Variants in ELAPOR2 observed in about 807,000 individuals in gnomAD.
ELAPOR2 encodes the protein endosome-lysosome associated apoptosis and autophagy regulator family member 2.
ELAPOR2 carries 89 observed loss-of-function variants against 120.7 expected under a neutral mutation model. That is an observed-to-expected ratio of 0.74 (90% CI 0.62 to 0.88). The LOEUF (loss-of-function observed/expected upper bound fraction) is 0.88, where lower values mean the gene tolerates loss of function less well. Among genes scored for constraint, ELAPOR2 ranks in the 40% least tolerant of loss-of-function variants. The pLI, the probability that ELAPOR2 is intolerant of heterozygous loss-of-function variation, is 0.00. For synonymous variants in ELAPOR2, 444 were observed against 444.9 expected (o/e 1.00, Z 0.03); for missense variants, 1,134 against 1,251.6 (o/e 0.91, Z 1.42).
At chr7:86,944,698 G>A (rs911587441) in intron 4 of ELAPOR2, among the ~76,000 whole-genome samples, 1 of 151,870 alleles carries the variant, frequency 6.6e-6, no homozygotes, top group Non-Finnish European at 1.5e-5. Context: ...TGAGATCTTG[G>A]AGGTAAAGAA....
At chr7:86,997,283 TAAATG>T (rs967373400) in intron 1 of ELAPOR2, among the ~76,000 whole-genome samples, 1 of 150,684 alleles carries the variant, frequency 6.6e-6, no homozygotes, top group Admixed American at 6.6e-5. Context: ...TATACAAACT[TAAATG>T]AAAGCAGATG....
At chr7:86,891,936 A>C (rs1478722298) in intron 20 of ELAPOR2, 47 bp from the exon 21 acceptor site, 1 of 1,175,660 alleles carries the variant, frequency 8.5e-7, no homozygotes, top group South Asian at 1.6e-5. Flanking sequence ...CATTTATGTT[A>C]ATATAAATAA....
Position 86,965,627 on chromosome 7 carries a change from C to A in ELAPOR2, c.190-603G>T, listed in dbSNP as rs552333890. 3.9e-5 allele frequency among the ~76,000 whole-genome samples: 6 copies of A among 152,300 alleles called. No individual in the cohort carries two copies. The East Asian group carries it at 1.2e-3, about 29-fold the overall frequency. ...ATTACAACTGCCAAATTAAAACCAACCCCCAACCCACTTGTCTCCAGCCTT... is the reference window on the plus strand; with the variant it reads ...ATTACAACTGCCAAATTAAAACCAAACCCCAACCCACTTGTCTCCAGCCTT... On this transcript the variant is annotated intron_variant, in intron 1 of 21. Transcript: ENST00000450689.
chr7:86,895,103 CA>C (rs1344168458), intron 19 of ELAPOR2, among the ~76,000 whole-genome samples: 2 of 152,050 alleles, frequency 1.3e-5, no homozygotes, highest in Non-Finnish European at 2.9e-5. Context: ...GACTGAAACA[CA>C]ACGGGATGGT....
In ELAPOR2 at chr7:86,991,506, C is replaced by T. The variant is rs1158471481; in HGVS notation, c.190-26482G>A. Among the ~76,000 whole-genome samples the T allele has an allele frequency of 2.6e-5, 4 of 152,144 alleles. No individual in the cohort carries two copies. In the South Asian group the frequency reaches 8.3e-4, roughly 31 times the overall value. On this transcript the variant is annotated intron_variant, in intron 1 of 21. Transcript: ENST00000450689. ...GTGGTCTACCAGAAGAATTTACAGT[C>T]TTCTACTTTCAAAACACACACACAC...
At chr7:86,905,990 T>G (rs1788993298) in intron 18 of ELAPOR2, among the ~76,000 whole-genome samples, 1 of 152,154 alleles carries the variant, frequency 6.6e-6, no homozygotes, top group Non-Finnish European at 1.5e-5. Context: ...GAACACACCT[T>G]ACGAGAGTTA....
At chr7:87,024,799 C>G (rs1363579612) in intron 1 of ELAPOR2, among the ~76,000 whole-genome samples, 1 of 151,798 alleles carries the variant, frequency 6.6e-6, no homozygotes, top group Non-Finnish European at 1.5e-5. Flanking sequence ...ACTAGAAAAT[C>G]TAGAAAAAAG....
At chr7:87,022,471 A>G (rs1023889381) in intron 1 of ELAPOR2, among the ~76,000 whole-genome samples, 12 of 152,038 alleles carry the variant, frequency 7.9e-5, no homozygotes, top group Admixed American at 3.3e-4. Context: ...TTCTTAATCC[A>G]GTCTATCATT....
intron 17 of ELAPOR2, 73 bp downstream of exon 17, chr7:86,908,374 G>A: frequency 1.3e-6 from 1 of 751,888 alleles, no homozygotes; most frequent in Non-Finnish European, 2.3e-6. Flanking sequence ...ATAAATATAT[G>A]AGTATTGGTG....
At chr7:87,035,708 G>A (rs955888020) in intron 1 of ELAPOR2, among the ~76,000 whole-genome samples, 1 of 151,946 alleles carries the variant, frequency 6.6e-6, no homozygotes, top group Non-Finnish European at 1.5e-5. Context: ...CAGAACTCAA[G>A]ACCCTCCATC....
intron 1 of ELAPOR2, among the ~76,000 whole-genome samples, chr7:87,014,536 T>C (rs1434233508): frequency 6.6e-6 from 1 of 152,184 alleles, no homozygotes; most frequent in African/African-American, 2.4e-5. Context: ...AGAACACCTA[T>C]GTCAACACCA....
chr7:86,928,204 C>T (rs966564575), intron 8 of ELAPOR2, among the ~76,000 whole-genome samples: 1 of 151,954 alleles, frequency 6.6e-6, no homozygotes, highest in Admixed American at 6.6e-5. Context: ...ACCTGCCTTT[C>T]TTACCATCTG....
intron 1 of ELAPOR2, among the ~76,000 whole-genome samples, chr7:86,985,078 A>T (rs184004702): frequency 3.3e-5 from 5 of 152,304 alleles, no homozygotes; most frequent in Non-Finnish European, 5.9e-5. Flanking sequence ...AAAACTAGAA[A>T]ATCTAGAAGA....
chr7:87,032,719 C>T (rs890219922), intron 1 of ELAPOR2, among the ~76,000 whole-genome samples: 5 of 152,216 alleles, frequency 3.3e-5, no homozygotes, highest in African/African-American at 9.6e-5. Context: ...TTCTCCTAAT[C>T]GAGAATCTAA....
In ELAPOR2 at chr7:86,877,428, GA is replaced by G. The variant is rs1799210059; in HGVS notation, c.*3042del. The G allele has an allele frequency of 1.3e-5, 2 of 152,274 alleles. No individual in the cohort carries two copies. Among genetic ancestry groups the G allele is most frequent in the African/African-American group, 4.8e-5 (2 of 41,560 alleles). The allele number at this position is 152,274 out of a possible 1,614,324, so 9.4% of individuals were successfully genotyped here. ...ATTCATGATTACTATAAATAGATAT[GA>G]GGGAGGTTTAGTTTCTCTGAAGATC... On this transcript the variant is annotated 3_prime_UTR_variant, in exon 22 of 22. Coordinates refer to ENST00000450689, the MANE Select transcript of ELAPOR2 (RefSeq NM_001142749.3).
intron 8 of ELAPOR2, 24 bp from the exon 9 acceptor site, chr7:86,926,940 A>AAG: frequency 6.9e-7 from 1 of 1,459,366 alleles, no homozygotes; most frequent in Non-Finnish European, 9.0e-7. Context: ...AAAAAAAAAA[A>AAG]AGCAACCAAG....
chr7:86,947,946 C>G, intron 2 of ELAPOR2, 24 bp from the exon 3 acceptor site: 1 of 1,496,886 alleles, frequency 6.7e-7, no homozygotes, highest in Non-Finnish European at 9.1e-7. Flanking sequence ...GAATGGACAA[C>G]CCATTACTTA....
In ELAPOR2 at chr7:86,912,989, A is replaced by G. The variant is rs1458251269; in HGVS notation, c.1947T>C (p.Tyr649=). The G allele has an allele frequency of 1.9e-6, 3 of 1,613,950 alleles. No individual in the cohort carries two copies. The Admixed American group carries it at 5.0e-5, about 27-fold the overall frequency. The part of the protein sequence containing the change: ...PDTYLSIHQV[Y]GKEACIPCGP... ...CGCATGGAATACAAGCCTCTTTGCC[A>G]TAGACCTGATGTATGGACAGGTAGG... Residue 649 remains tyrosine, a synonymous_variant, in exon 14 of 22, where the codon TAT becomes TAC. Coordinates refer to ENST00000450689, the MANE Select transcript of ELAPOR2 (RefSeq NM_001142749.3).
chr7:86,910,937 G>C (rs1453757922), intron 15 of ELAPOR2, among the ~76,000 whole-genome samples: 2 of 151,776 alleles, frequency 1.3e-5, no homozygotes, highest in African/African-American at 4.8e-5. Flanking sequence ...TTTTTACTAG[G>C]CTTAAATTAA....
Sources: gnomAD v4.1 joint callset for allele counts (sites outside exome capture counted in the v4.1 genomes callset) on GRCh38, gnomAD v4.1.1 for gene constraint, MANE v1.5 for transcripts, NCBI Gene and HGNC (gene_info 2026-07-23, HGNC 2026-07-21) for gene names.